CHRNA7: variants seen among roughly 807,000 people sequenced by gnomAD.
The protein encoded by CHRNA7 is neuronal acetylcholine receptor subunit alpha-7.
In CHRNA7, 17 loss-of-function variants were observed where a neutral mutation model predicts 48.0. The ratio of observed to expected loss-of-function variants is 0.35; its 90% confidence interval spans 0.24 to 0.53. The LOEUF (loss-of-function observed/expected upper bound fraction) is 0.53. Among genes scored for constraint, CHRNA7 ranks in the 20% least tolerant of loss-of-function variants. CHRNA7 has a pLI of 0.92. For missense variants in CHRNA7, 155 were observed against 577.7 expected (o/e 0.27, Z 7.50); for synonymous variants, 75 against 242.3 (o/e 0.31, Z 6.41).
At chr15:32,148,566 G>T (rs912541782) in intron 4 of CHRNA7, among the ~76,000 whole-genome samples, 1 of 152,168 alleles carries the variant, frequency 6.6e-6, no homozygotes, top group African/African-American at 2.4e-5. Context: ...TAGGGGATGT[G>T]GAGGAAGGAA....
chr15:32,152,299 C>T (rs573198543), intron 4 of CHRNA7, among the ~76,000 whole-genome samples: 6 of 152,152 alleles, frequency 3.9e-5, no homozygotes, highest in East Asian at 3.9e-4. Context: ...AACAATTAGC[C>T]GGGAGTGGTG....
chr15:32,058,863 T>C (rs776894213), intron 2 of CHRNA7, among the ~76,000 whole-genome samples: 1 of 152,200 alleles, frequency 6.6e-6, no homozygotes, highest in Non-Finnish European at 1.5e-5. Context: ...TCTATATGTA[T>C]ATAACTTTAA....
intron 2 of CHRNA7, among the ~76,000 whole-genome samples, chr15:32,046,937 C>T (rs1438852590): frequency 1.3e-5 from 2 of 151,334 alleles, no homozygotes; most frequent in Middle Eastern, 3.4e-3. Context: ...ATCCTTTCCC[C>T]ATTGCTTGTT....
chr15:32,064,527 C>T (rs1162354824), intron 2 of CHRNA7, among the ~76,000 whole-genome samples: 1 of 151,070 alleles, frequency 6.6e-6, no homozygotes, highest in Non-Finnish European at 1.5e-5. Context: ...TGTGTGCAGG[C>T]AGGGGGTTCC....
intron 3 of CHRNA7, among the ~76,000 whole-genome samples, chr15:32,106,850 T>G (rs1292866669): frequency 6.6e-6 from 1 of 152,198 alleles, no homozygotes; most frequent in African/African-American, 2.4e-5. Flanking sequence ...ATGATAAGAT[T>G]TTAAGCTGTT....
chr15:32,128,807 T>TA (rs1427565479), intron 4 of CHRNA7, among the ~76,000 whole-genome samples: 1 of 151,944 alleles, frequency 6.6e-6, no homozygotes, highest in Non-Finnish European at 1.5e-5. Context: ...ATTAGAATGT[T>TA]AAAAGTGAAC....
intron 4 of CHRNA7, among the ~76,000 whole-genome samples, chr15:32,129,485 A>G (rs1257810448): frequency 6.6e-6 from 1 of 151,892 alleles, no homozygotes; most frequent in East Asian, 1.9e-4. Flanking sequence ...GAGTTGTGGT[A>G]GTTTGTACTT....
At chr15:32,136,689 A>T (rs949841372) in intron 4 of CHRNA7, among the ~76,000 whole-genome samples, 1 of 152,080 alleles carries the variant, frequency 6.6e-6, no homozygotes, top group Middle Eastern at 3.2e-3. Context: ...CATTAAGAAT[A>T]CTATATTTAA....
intron 4 of CHRNA7, among the ~76,000 whole-genome samples, chr15:32,147,017 G>A (rs1159056447): frequency 6.6e-6 from 1 of 152,142 alleles, no homozygotes; most frequent in Admixed American, 6.5e-5. Context: ...GTAACACAAG[G>A]AACAAAAATA....
chr15:32,048,754 G>T (rs2049604472), intron 2 of CHRNA7, among the ~76,000 whole-genome samples: 1 of 151,826 alleles, frequency 6.6e-6, no homozygotes. Context: ...TCTTTTAATT[G>T]TGCTGTTAGG....
At chr15:32,054,894 T>C (rs955345055) in intron 2 of CHRNA7, among the ~76,000 whole-genome samples, 8 of 152,232 alleles carry the variant, frequency 5.3e-5, no homozygotes, top group Non-Finnish European at 1.0e-4. Context: ...CATTTCTCTC[T>C]GATACAGACG....
chr15:32,114,059 T>TATATGTATATATATATATAC (rs1187735599), intron 4 of CHRNA7, among the ~76,000 whole-genome samples: 12 of 38,352 alleles, frequency 3.1e-4, no homozygotes, highest in African/African-American at 7.9e-4. Flanking sequence ...TATATATATA[T>TATATGTATATATATATATAC]ACATATATAT....
In CHRNA7 at chr15:32,172,089, TTAAGTC is replaced by T. The variant is rs1008455798; in HGVS notation, c.*3635_*3640del. ...TATTCAAAAGCATGAAATCTTGTGT[TTAAGTC>T]TAATTTTATGTAACTTAGTAGTGTT... On this transcript the variant is annotated 3_prime_UTR_variant, in exon 10 of 10. Transcript: ENST00000306901. The T allele has an allele frequency of 3.0e-4, 20 of 66,694 alleles. 5 individuals are homozygous for T. Among genetic ancestry groups the T allele is most frequent in the Non-Finnish European group, 5.0e-4 (14 of 28,208 alleles). The allele number at this position is 66,694 out of a possible 1,614,324, so 4.1% of individuals were successfully genotyped here. A position where few individuals can be genotyped will look rare whatever the true frequency, so the allele number is the denominator to read the frequency against.
At chr15:32,070,302 C>T (rs1166098227) in intron 2 of CHRNA7, among the ~76,000 whole-genome samples, 3 of 152,066 alleles carry the variant, frequency 2.0e-5, no homozygotes, top group African/African-American at 7.3e-5. Flanking sequence ...TGATTTGTCA[C>T]TATGGATTAT....
rs2052380727 is a variant in CHRNA7, at chr15:32,170,339, T to C, written c.*1881T>C. The C allele has an allele frequency of 1.4e-5, 2 of 138,110 alleles. No homozygotes were observed. The highest frequency in any genetic ancestry group is 3.1e-5 in the Non-Finnish European group (2 of 64,702). The allele number at this position is 138,110 out of a possible 1,614,324, so 8.6% of individuals were successfully genotyped here. A position where few individuals can be genotyped will look rare whatever the true frequency, so the allele number is the denominator to read the frequency against. The stretch of plus-strand genomic sequence containing the variant: ...ACGAGAAAGTTGGTGGATCAGGACA[T>C]TCCAGCCTCAGGCGGCTTGGAGCAG... On this transcript the variant is annotated 3_prime_UTR_variant, in exon 10 of 10. Transcript: ENST00000306901.
rs572071973 is a variant in CHRNA7 at position 32,149,225 on chromosome 15, G to C, written c.351-4682G>C. Among the ~76,000 whole-genome samples, 2 of 152,374 alleles carry C rather than the reference G, an allele frequency of 1.3e-5. No individual in the cohort carries two copies. The highest frequency in any genetic ancestry group is 4.1e-4 in the South Asian group (2 of 4,830). ...TTTTCAGACTATTTAATACAGAACAGTTTACACACAGAAGAGGAGTGAGGA... is the reference window on the plus strand; with the variant it reads ...TTTTCAGACTATTTAATACAGAACACTTTACACACAGAAGAGGAGTGAGGA... On this transcript the variant is annotated intron_variant, in intron 4 of 9. Transcript: ENST00000306901. This position sits in a 1 kb window ranked among gnomAD's most constrained non-coding sequence, Gnocchi z 4.6.
intron 4 of CHRNA7, among the ~76,000 whole-genome samples, chr15:32,138,988 G>A (rs377574848): frequency 3.3e-5 from 5 of 151,958 alleles, no homozygotes; most frequent in African/African-American, 7.3e-5. Context: ...TCCTGACCTC[G>A]GGTGATCCAC....
intron 4 of CHRNA7, among the ~76,000 whole-genome samples, chr15:32,143,607 TA>T (rs1431113224): frequency 6.6e-6 from 1 of 152,260 alleles, no homozygotes; most frequent in Admixed American, 6.5e-5. Flanking sequence ...GCTCCTGTAT[TA>T]GGTGCATATA....
Position 32,090,505 on chromosome 15 carries a change from C to T in CHRNA7, c.196-10798C>T, listed in dbSNP as rs138515555. ...ACTGAAATTACCATTTAAGCATTAC[C>T]ACAAGTTCATAGCTCCAGTGGCTTC... On this transcript the variant is annotated intron_variant, in intron 2 of 9. Coordinates refer to ENST00000306901, the MANE Select transcript of CHRNA7 (RefSeq NM_000746.6). Among the ~76,000 whole-genome samples, 570 of 152,294 alleles carry T rather than the reference C, an allele frequency of 3.7e-3. 4 individuals carry two copies. The highest frequency in any genetic ancestry group is 0.013 in the African/African-American group (536 of 41,556).
Sources: gnomAD v4.1 joint callset for allele counts (sites outside exome capture counted in the v4.1 genomes callset) on GRCh38, gnomAD v4.1.1 for gene constraint, Gnocchi (gnomAD v3.1) non-coding constraint, MANE v1.5 for transcripts, NCBI Gene and HGNC (gene_info 2026-07-23, HGNC 2026-07-21) for gene names.